Variants in THADA observed in about 807,000 individuals in gnomAD.
THADA encodes THADA armadillo repeat containing, also known as tRNA (32-2'-O)-methyltransferase regulator THADA.
Under a neutral mutation model 219.8 loss-of-function variants are expected in THADA, and 213 were observed. The ratio of observed to expected loss-of-function variants is 0.97; its 90% CI spans 0.87 to 1.09. THADA has a LOEUF of 1.09. THADA is among the 50% of genes least tolerant of loss of function. THADA has a pLI of 0.00. For synonymous variants in THADA, 1,018 were observed against 828.9 expected (o/e 1.23, Z -3.92); for missense variants, 2,956 against 2,311.3 (o/e 1.28, Z -5.72).
At chr2:43,427,503 T>TTGTGTGTGTGTGTGTGTG (rs70963397) in intron 28 of THADA, among the ~76,000 whole-genome samples, 659 of 140,612 alleles carry the variant, frequency 4.7e-3, no homozygotes, top group Middle Eastern at 0.011. Context: ...CTCCCAAAGT[T>TTGTGTGTGTGTGTGTGTG]TGTGTGTGTG....
At chr2:43,349,784 A>G (rs1668043958) in intron 29 of THADA, among the ~76,000 whole-genome samples, 1 of 152,240 alleles carries the variant, frequency 6.6e-6, no homozygotes, top group African/African-American at 2.4e-5. Flanking sequence ...CTGAAGATTA[A>G]AAAACCTGTC....
chr2:43,336,547 C>G (rs952709078), intron 30 of THADA, among the ~76,000 whole-genome samples: 8 of 151,984 alleles, frequency 5.3e-5, no homozygotes, highest in Non-Finnish European at 1.2e-4. Flanking sequence ...GCTGGGGTAA[C>G]AAGTATGAGC....
In THADA at chr2:43,485,292, A is replaced by G. The variant is rs1240056321; in HGVS notation, c.3778T>C (p.Leu1260=). Residue 1260 remains leucine (L), a synonymous_variant, in exon 26 of 38, where the codon TTG becomes CTG. Transcript: ENST00000405975. Reference sequence around the variant, plus strand: ...TTAACTCCAAAAATTCTTGTGATCAAGGCACTAAAGAGAAGTGTGGATGAA... The same window carrying G: ...TTAACTCCAAAAATTCTTGTGATCAGGGCACTAAAGAGAAGTGTGGATGAA... ...RNSSTLLFSA[L]ITRIFGVKRA... is the part of the protein sequence containing the mutation. 5.6e-6 allele frequency: 9 copies of G among 1,613,122 alleles called. No homozygotes were observed. Among genetic ancestry groups the G allele is most frequent in the Non-Finnish European group, 7.6e-6 (9 of 1,179,404 alleles).
intron 35 of THADA, among the ~76,000 whole-genome samples, chr2:43,286,190 A>G (rs748651323): frequency 1.3e-5 from 2 of 152,172 alleles, no homozygotes; most frequent in Non-Finnish European, 2.9e-5. Context: ...AATTTAGAGA[A>G]CTGTTCCCTA....
rs546562513 is a variant in THADA, at chr2:43,462,317, A to T, written c.3836+22917T>A. On this transcript the variant is annotated intron_variant, in intron 26 of 37. Transcript: ENST00000405975. ...AAAAGGGGAAGGCGCTGACCAAAAA[A>T]TGTCCATGAAAGCCATTTGAAAAGT... is the stretch of plus-strand genomic sequence containing the variant. Among the ~76,000 whole-genome samples the T allele has an allele frequency of 2.0e-3, 308 of 152,318 alleles. 1 individual carries two copies. The highest frequency in any genetic ancestry group is 6.8e-3 in the Middle Eastern group (2 of 294).
chr2:43,445,518 G>C (rs565544067), intron 26 of THADA, among the ~76,000 whole-genome samples: 3 of 152,322 alleles, frequency 2.0e-5, no homozygotes, highest in African/African-American at 7.2e-5. Flanking sequence ...CATAGCGATG[G>C]ATCTACCAGG....
intron 17 of THADA, 56 bp from the exon 18 acceptor site, chr2:43,552,395 G>C: frequency 6.5e-7 from 1 of 1,530,250 alleles, no homozygotes; most frequent in Non-Finnish European, 8.8e-7. Context: ...ATTTGTAAAT[G>C]TACGAACAGC....
intron 19 of THADA, 86 bp from the exon 20 acceptor site, chr2:43,549,454 T>C (rs1305855037): frequency 3.1e-6 from 4 of 1,294,184 alleles, no homozygotes; most frequent in African/African-American, 1.5e-5. Context: ...AAAAAATCTA[T>C]AATTTTCAAT....
rs188497478 is a variant in THADA at position 43,452,706 on chromosome 2, G to A, written c.3837-22404C>T. On this transcript the variant is annotated intron_variant, in intron 26 of 37. Coordinates refer to ENST00000405975, the MANE Select transcript of THADA (RefSeq NM_022065.5). Reference sequence around the variant, plus strand: ...CTGAGCTTCTACTCCGACACACTGAGTCAGGCCCACCCACTGAATTTATGG... The same window carrying A: ...CTGAGCTTCTACTCCGACACACTGAATCAGGCCCACCCACTGAATTTATGG... Among the ~76,000 whole-genome samples, 401 of 152,310 alleles carry A rather than the reference G, an allele frequency of 2.6e-3. 1 individual carries two copies. The highest frequency in any genetic ancestry group is 3.0e-3 in the Non-Finnish European group (205 of 68,030).
chr2:43,479,872 G>C (rs182942580), intron 26 of THADA, among the ~76,000 whole-genome samples: 3 of 152,292 alleles, frequency 2.0e-5, no homozygotes, highest in South Asian at 2.1e-4. Context: ...TTACCGTCCA[G>C]ATAAAGAATC....
At chr2:43,407,634 C>T (rs2104748841) in intron 28 of THADA, among the ~76,000 whole-genome samples, 1 of 152,160 alleles carries the variant, frequency 6.6e-6, no homozygotes, top group East Asian at 1.9e-4. Flanking sequence ...ATTAACTTCC[C>T]TTTTTGACAA....
At chr2:43,559,333 T>C (rs1360139375) in intron 16 of THADA, among the ~76,000 whole-genome samples, 1 of 152,180 alleles carries the variant, frequency 6.6e-6, no homozygotes, top group Admixed American at 6.5e-5. Flanking sequence ...GATAGATAGA[T>C]GTTCTACATA....
At chr2:43,385,361 C>T (rs1452938629) in intron 29 of THADA, among the ~76,000 whole-genome samples, 1 of 152,004 alleles carries the variant, frequency 6.6e-6, no homozygotes, top group South Asian at 2.1e-4. Context: ...AATCCCAGCA[C>T]TTTGGGAGGC....
intron 26 of THADA, among the ~76,000 whole-genome samples, chr2:43,450,788 T>C (rs889888757): frequency 1.9e-4 from 29 of 152,102 alleles, no homozygotes; most frequent in African/African-American, 6.8e-4. Context: ...CATGGGAAAA[T>C]ATATTCCATA....
At chr2:43,386,505 C>T (rs1018242239) in intron 29 of THADA, among the ~76,000 whole-genome samples, 1 of 152,106 alleles carries the variant, frequency 6.6e-6, no homozygotes, top group African/African-American at 2.4e-5. Context: ...CATCATACTA[C>T]TTTGAGAGTC....
At chr2:43,501,501 C>A (rs1250543358) in intron 24 of THADA, among the ~76,000 whole-genome samples, 3 of 151,826 alleles carry the variant, frequency 2.0e-5, no homozygotes, top group Non-Finnish European at 2.9e-5. Flanking sequence ...TCCAAAAGGG[C>A]TTTTTATTGA....
intron 27 of THADA, among the ~76,000 whole-genome samples, 187 bp from the exon 28 acceptor site, chr2:43,428,418 G>A (rs913968559): frequency 1.3e-5 from 2 of 152,128 alleles, no homozygotes; most frequent in African/African-American, 4.8e-5. Flanking sequence ...GACCAGCCTG[G>A]CCAATACAGT....
intron 28 of THADA, among the ~76,000 whole-genome samples, chr2:43,426,620 A>G (rs1378504514): frequency 6.6e-6 from 1 of 152,242 alleles, no homozygotes; most frequent in Non-Finnish European, 1.5e-5. Flanking sequence ...GTGATCAAAG[A>G]TAACACAGCC....
chr2:43,472,310 C>T (rs1045281551), intron 26 of THADA, among the ~76,000 whole-genome samples: 18 of 152,166 alleles, frequency 1.2e-4, no homozygotes, highest in Admixed American at 2.6e-4. Context: ...AATTGAAATA[C>T]GTTTTTCCAA....
Sources: gnomAD v4.1 joint callset for allele counts (sites outside exome capture counted in the v4.1 genomes callset) on GRCh38, gnomAD v4.1.1 for gene constraint, MANE v1.5 for transcripts, NCBI Gene and HGNC (gene_info 2026-07-23, HGNC 2026-07-21) for gene names.